The following SPATA6L variants were observed in gnomAD, a reference collection of about 807,000 sequenced individuals.
The protein encoded by SPATA6L is spermatogenesis associated 6 like.
SPATA6L carries 68 observed loss-of-function variants against 49.2 expected under a neutral mutation model. That is an observed-to-expected ratio of 1.38 (90% CI 1.14 to 1.69). The LOEUF (loss-of-function observed/expected upper bound fraction) is 1.69. SPATA6L is among the 40% of genes most tolerant of loss of function. SPATA6L has a pLI of 0.00. For synonymous variants in SPATA6L, 198 were observed against 165.7 expected (o/e 1.19, Z -1.50); for missense variants, 668 against 464.3 (o/e 1.44, Z -4.03).
chr9:4,628,995 C>A, intron 5 of SPATA6L, 96 bp downstream of exon 5: 3 of 776,458 alleles, frequency 3.9e-6, no homozygotes, highest in Non-Finnish European at 6.3e-6. Context: ...TGTTTAGTTT[C>A]ATGTAAACTT....
intron 3 of SPATA6L, among the ~76,000 whole-genome samples, chr9:4,638,794 T>C (rs1009063035): frequency 2.7e-5 from 3 of 112,836 alleles, no homozygotes; most frequent in East Asian, 5.1e-4. Flanking sequence ...TCTTTTCTTT[T>C]TTTTTTTTGA....
intron 11 of SPATA6L, among the ~76,000 whole-genome samples, chr9:4,603,150 G>A (rs980989801): frequency 2.6e-5 from 4 of 152,088 alleles, no homozygotes; most frequent in East Asian, 3.9e-4. Context: ...TCTTTACTGC[G>A]ACCGGGCACG....
rs771055359 is a variant in SPATA6L, at chr9:4,638,274, C to A, written c.227-2875G>T. The stretch of plus-strand genomic sequence containing the variant: ...TTGCCCAGACTGGAGTGCAGTGGCA[C>A]AGTTTTGGCTCACTGCTACCTCTGC... On this transcript the variant is annotated intron_variant, in intron 3 of 11. Transcript: ENST00000682582. Among the ~76,000 whole-genome samples the A allele has an allele frequency of 5.9e-5, 9 of 152,090 alleles. 1 individual carries two copies. The highest frequency in any genetic ancestry group is 1.3e-4 in the Non-Finnish European group (9 of 68,008).
rs779821701 is a variant in SPATA6L, at chr9:4,662,479, G to A, written c.40-443C>T. The A allele has an allele frequency of 6.4e-7, 1 of 1,551,810 alleles. No individual in the cohort carries two copies. Among genetic ancestry groups the A allele is most frequent in the South Asian group, 1.2e-5 (1 of 85,400 alleles). ...CCAGCCCATGGCGGCGGTGGCGGCG[G>A]CAGCAGGTTTGAGTTCCAGTCCCTG... is the stretch of plus-strand genomic sequence containing the variant. On this transcript the variant is annotated intron_variant, in intron 1 of 11. Transcript: ENST00000682582. The surrounding 1 kb of genome is among the most constrained non-coding windows in gnomAD (Gnocchi z 4.9).
chr9:4,592,393 G>C (rs967692205), intron 13 of SPATA6L, among the ~76,000 whole-genome samples: 1 of 151,954 alleles, frequency 6.6e-6, no homozygotes, highest in Non-Finnish European at 1.5e-5. Context: ...TTACTATGTG[G>C]CAAGCAGTGC....
chr9:4,623,355 A>G (rs959235267), intron 6 of SPATA6L, among the ~76,000 whole-genome samples: 6 of 152,146 alleles, frequency 3.9e-5, no homozygotes, highest in African/African-American at 1.4e-4. Flanking sequence ...GTGACTGACC[A>G]TATTCTCCTA....
Position 4,598,690 on chromosome 9 carries a change from A to G in SPATA6L, c.*2121T>C, listed in dbSNP as rs964684391. Reference sequence around the variant, plus strand: ...TAACAATAACTGAAATGGGATACCAATTCATTAGTGCTGCTTTCCTTTAGC... The same window carrying G: ...TAACAATAACTGAAATGGGATACCAGTTCATTAGTGCTGCTTTCCTTTAGC... On this transcript the variant is annotated 3_prime_UTR_variant, in exon 12 of 12. Transcript: ENST00000682582. Among the ~76,000 whole-genome samples, 9 of 152,214 alleles carry G rather than the reference A, an allele frequency of 5.9e-5. No individual in the cohort carries two copies. The highest frequency in any genetic ancestry group is 1.2e-4 in the Non-Finnish European group (8 of 68,030).
chr9:4,608,898 G>C (rs920702808), intron 9 of SPATA6L, among the ~76,000 whole-genome samples: 1 of 151,988 alleles, frequency 6.6e-6, no homozygotes, highest in African/African-American at 2.4e-5. Context: ...TAGACCACTA[G>C]CAAGACTAAT....
intron 6 of SPATA6L, among the ~76,000 whole-genome samples, chr9:4,623,036 T>C (rs930438672): frequency 1.3e-5 from 2 of 152,104 alleles, no homozygotes; most frequent in African/African-American, 4.8e-5. Flanking sequence ...TCCCACCACT[T>C]TGGGAGGCCG....
rs1430565905 is a variant in SPATA6L at position 4,599,742 on chromosome 9, G to A, written c.*1069C>T. ...TATAGGGCACTAATCTCATTTATGAGGGGTCCACCCTCACAACCTCATCAC... is the reference window on the plus strand; with the variant it reads ...TATAGGGCACTAATCTCATTTATGAAGGGTCCACCCTCACAACCTCATCAC... On this transcript the variant is annotated 3_prime_UTR_variant, in exon 12 of 12. Transcript: ENST00000682582. Among the ~76,000 whole-genome samples the A allele has an allele frequency of 6.6e-6, 1 of 152,156 alleles. No individual in the cohort carries two copies. Among genetic ancestry groups the A allele is most frequent in the African/African-American group, 2.4e-5 (1 of 41,414 alleles).
rs1212697508 is a variant in SPATA6L at position 4,664,698 on chromosome 9, G to T, written c.39+1514C>A. 1.4e-4 allele frequency: 24 copies of T among 167,100 alleles called. No individual in the cohort carries two copies. The Admixed American group carries it at 1.6e-3, about 11-fold the overall frequency. 10.4% of individuals were successfully genotyped at this position (167,100 alleles called of 1,614,324 possible). On this transcript the variant is annotated intron_variant, in intron 1 of 11. Transcript: ENST00000682582. Reference sequence around the variant, plus strand: ...ATGACTATTTTGGCATTTATAAATAGAAATGATTATGGACTTTGATCTGCC... The same window carrying T: ...ATGACTATTTTGGCATTTATAAATATAAATGATTATGGACTTTGATCTGCC...
chr9:4,644,696 C>CAG (rs1834947079), intron 3 of SPATA6L, among the ~76,000 whole-genome samples: 1 of 141,736 alleles, frequency 7.1e-6, no homozygotes, highest in African/African-American at 2.6e-5. Context: ...CACACACACA[C>CAG]ACACACACAC....
chr9:4,646,634 T>A (rs1172765382), intron 3 of SPATA6L: 1 of 478,548 alleles, frequency 2.1e-6, no homozygotes, highest in Non-Finnish European at 3.5e-6. Flanking sequence ...GTAATAATAA[T>A]AAAAATAATA....
intron 8 of SPATA6L, among the ~76,000 whole-genome samples, 193 bp from the exon 9 acceptor site, chr9:4,618,303 T>C (rs1275001723): frequency 6.6e-6 from 1 of 151,926 alleles, no homozygotes; most frequent in Non-Finnish European, 1.5e-5. Context: ...TTCAGACTGA[T>C]AAAAATAACC....
chr9:4,627,905 A>G (rs1362352038), intron 5 of SPATA6L: 1 of 868,028 alleles, frequency 1.2e-6, no homozygotes, highest in African/African-American at 1.7e-5. Context: ...TATTACATAC[A>G]CATAATGGAG....
At chr9:4,648,848 C>A (rs374067818) in intron 3 of SPATA6L, among the ~76,000 whole-genome samples, 1 of 152,090 alleles carries the variant, frequency 6.6e-6, no homozygotes, top group East Asian at 1.9e-4. Context: ...CCCCCTGAGT[C>A]CCCAAAGTCC....
In SPATA6L at chr9:4,662,429, G is replaced by A. The variant is rs763197873; in HGVS notation, c.40-393C>T. The A allele has an allele frequency of 5.8e-6, 9 of 1,541,420 alleles. No homozygotes were observed. The African/African-American group carries it at 8.2e-5, about 14-fold the overall frequency. On this transcript the variant is annotated intron_variant, in intron 1 of 11. Transcript: ENST00000682582. The surrounding 1 kb of genome is among the most constrained non-coding windows in gnomAD (Gnocchi z 4.9). ...GACGGCCGCTGGGCGTCTCCGCTTCGAGCAGCAGCAGCAGCCCCGGCAGCC... is the reference window on the plus strand; with the variant it reads ...GACGGCCGCTGGGCGTCTCCGCTTCAAGCAGCAGCAGCAGCCCCGGCAGCC...
rs1206450880 is a variant in SPATA6L, at chr9:4,600,819, T to C, written c.*2-10A>G. On this transcript the variant is annotated splice_polypyrimidine_tract_variant and intron_variant, in intron 11 of 11. Transcript: ENST00000682582. ...CTTTCATTAATTTCCCCTGCAAAATTTGAAACATCACATTCTACATGTGGT... is the reference window on the plus strand; with the variant it reads ...CTTTCATTAATTTCCCCTGCAAAATCTGAAACATCACATTCTACATGTGGT... The C allele has an allele frequency of 6.6e-6, 1 of 152,196 alleles. No homozygotes were observed. Among genetic ancestry groups the C allele is most frequent in the Non-Finnish European group, 1.5e-5 (1 of 68,040 alleles). 9.4% of individuals were successfully genotyped at this position (152,196 alleles called of 1,614,324 possible). A position where few individuals can be genotyped will look rare whatever the true frequency, so the allele number is the denominator to read the frequency against.
rs1373925173 is a variant in SPATA6L, at chr9:4,628,984, T to C, written c.429+107A>G. ...TAGTAAAAACTTTCCAGGTTTCTACTTGTTTAGTTTCATGTAAACTTAATA... is the reference window on the plus strand; with the variant it reads ...TAGTAAAAACTTTCCAGGTTTCTACCTGTTTAGTTTCATGTAAACTTAATA... On this transcript the variant is annotated intron_variant, in intron 5 of 11. Transcript: ENST00000682582. 7 of 719,316 alleles carry C rather than the reference T, an allele frequency of 9.7e-6. No homozygotes were observed. The East Asian group carries it at 1.7e-4, about 17-fold the overall frequency. 44.6% of individuals were successfully genotyped at this position (719,316 alleles called of 1,614,324 possible).
Sources: gnomAD v4.1 joint callset for allele counts (sites outside exome capture counted in the v4.1 genomes callset) on GRCh38, gnomAD v4.1.1 for gene constraint, Gnocchi (gnomAD v3.1) non-coding constraint, MANE v1.5 for transcripts, NCBI Gene and HGNC (gene_info 2026-07-23, HGNC 2026-07-21) for gene names.